Variants in RPS6KC1 observed in about 807,000 individuals in gnomAD.
RPS6KC1 encodes the protein ribosomal protein S6 kinase C1.
A neutral mutation model predicts 103.8 loss-of-function variants in RPS6KC1; 54 were observed. The observed-to-expected ratio is 0.52, with a 90% CI of 0.42 to 0.65. The LOEUF (loss-of-function observed/expected upper bound fraction) is 0.65, where lower values mean the gene tolerates loss of function less well. Ranked by LOEUF, RPS6KC1 falls within the 30% of genes least tolerant of loss-of-function variation. RPS6KC1 has a pLI of 0.00. For missense variants in RPS6KC1, 1,151 were observed against 1,253.8 expected (o/e 0.92, Z 1.24); for synonymous variants, 439 against 438.7 (o/e 1.00, Z -0.01).
chr1:213,203,917 G>GAAGTATTTCTGAGAGCATGGTCTC, intron 8 of RPS6KC1, among the ~76,000 whole-genome samples: 1 of 152,226 alleles, frequency 6.6e-6, no homozygotes, highest in African/African-American at 2.4e-5. Context: ...TCCCATCCCG[G>GAAGTATTTCTGAGAGCATGGTCTC]AAGTATTTCT....
At chr1:213,433,172 G>A in the RPS6KC1 span, among the ~76,000 whole-genome samples, 2 of 152,090 alleles carry the variant, frequency 1.3e-5, no homozygotes, top group African/African-American at 4.8e-5. Context: ...CCTAGCTCAT[G>A]GACTGCTTCC....
chr1:213,726,572 C>G, the RPS6KC1 span, among the ~76,000 whole-genome samples: 3 of 152,124 alleles, frequency 2.0e-5, no homozygotes, highest in African/African-American at 7.2e-5. Context: ...CTGTCTTTCT[C>G]CTCTTGTTCA....
chr1:213,633,804 T>C, the RPS6KC1 span, among the ~76,000 whole-genome samples: 1 of 135,372 alleles, frequency 7.4e-6, no homozygotes, highest in African/African-American at 2.8e-5. Context: ...AGAAGACCCA[T>C]CTCAAGTGCA....
At chr1:213,843,570 T>A in the RPS6KC1 span, 1 of 152,148 alleles carries the variant, frequency 6.6e-6, no homozygotes, top group Non-Finnish European at 1.5e-5. Context: ...TCTATATATC[T>A]GGAAAACATT....
At chr1:213,738,792 T>C in the RPS6KC1 span, among the ~76,000 whole-genome samples, 122,473 of 151,094 alleles carry the variant, frequency 0.81, 50,283 homozygotes, top group African/African-American at 0.94. Context: ...GTCAAGAGTT[T>C]GAGACCAGCC....
chr1:213,051,369 C>CGGGG lies in RPS6KC1; in HGVS notation c.-33_-32insGGGG. Reference sequence around the variant, plus strand: ...CGGCGCCGGGTTTCCCTCATGATCCCGGGCGGGTGGCGGCGGCGGCAGAGG... The same window carrying CGGGG: ...CGGCGCCGGGTTTCCCTCATGATCCCGGGGGGGCGGGTGGCGGCGGCGGCAGAGG... On this transcript the variant is annotated 5_prime_UTR_variant, in exon 1 of 15. Transcript: ENST00000366960. 3 of 1,533,132 alleles carry CGGGG rather than the reference C, an allele frequency of 2.0e-6. No individual in the cohort carries two copies. Among genetic ancestry groups the CGGGG allele is most frequent in the Non-Finnish European group, 2.7e-6 (3 of 1,109,838 alleles). The allele number at this position is 1,533,132 out of a possible 1,614,324, so 95.0% of individuals were successfully genotyped here.
the RPS6KC1 span, among the ~76,000 whole-genome samples, chr1:213,404,177 C>A: frequency 6.6e-6 from 1 of 152,150 alleles, no homozygotes; most frequent in African/African-American, 2.4e-5. Context: ...AGGGGGCTGC[C>A]TTTCCACCTT....
At chr1:213,514,317 T>A in the RPS6KC1 span, among the ~76,000 whole-genome samples, 2 of 152,048 alleles carry the variant, frequency 1.3e-5, no homozygotes, top group East Asian at 3.9e-4. Flanking sequence ...GCCATGTTGG[T>A]GTGCTGCACC....
At chr1:213,392,032 T>G in the RPS6KC1 span, among the ~76,000 whole-genome samples, 1 of 152,170 alleles carries the variant, frequency 6.6e-6, no homozygotes, top group African/African-American at 2.4e-5. Flanking sequence ...TTCTTCTGCT[T>G]CAAAAGCCTT....
At chr1:213,214,244 T>G (rs1018290938) in intron 8 of RPS6KC1, among the ~76,000 whole-genome samples, 22 of 152,236 alleles carry the variant, frequency 1.4e-4, no homozygotes, top group Non-Finnish European at 2.6e-4. Flanking sequence ...GCGCCTGGCT[T>G]GAAGGGTCCT....
At chr1:213,101,959 A>C (rs1446777493) in intron 3 of RPS6KC1, among the ~76,000 whole-genome samples, 1 of 152,146 alleles carries the variant, frequency 6.6e-6, no homozygotes, top group Non-Finnish European at 1.5e-5. Flanking sequence ...GGTTTTACCT[A>C]TTGGGGTTCT....
chr1:213,649,208 T>A, the RPS6KC1 span, among the ~76,000 whole-genome samples: 10 of 151,872 alleles, frequency 6.6e-5, no homozygotes, highest in Admixed American at 6.6e-5. Flanking sequence ...AACTTCTCCT[T>A]TTTTACTGGT....
chr1:213,242,329 A>G, intron 11 of RPS6KC1, 32 bp downstream of exon 11: 2 of 1,608,564 alleles, frequency 1.2e-6, no homozygotes, highest in East Asian at 2.2e-5. Flanking sequence ...ATTTCTTTTT[A>G]TTCGCTGTTG....
At chr1:213,327,901 A>T in the RPS6KC1 span, among the ~76,000 whole-genome samples, 1 of 152,082 alleles carries the variant, frequency 6.6e-6, no homozygotes, top group Non-Finnish European at 1.5e-5. Context: ...TCATCTCCTC[A>T]TCAATCCCAT....
At chr1:213,376,463 T>C in the RPS6KC1 span, among the ~76,000 whole-genome samples, 1 of 151,960 alleles carries the variant, frequency 6.6e-6, no homozygotes, top group Non-Finnish European at 1.5e-5. Context: ...TCATGAGTAA[T>C]GCGATGGTAG....
At chr1:213,431,524 A>G in the RPS6KC1 span, among the ~76,000 whole-genome samples, 1 of 152,076 alleles carries the variant, frequency 6.6e-6, no homozygotes, top group Admixed American at 6.6e-5. Flanking sequence ...TTCATTATTC[A>G]GTATATATTC....
intron 14 of RPS6KC1, among the ~76,000 whole-genome samples, chr1:213,266,538 T>TA (rs985055285): frequency 2.0e-5 from 3 of 152,054 alleles, no homozygotes; most frequent in Admixed American, 1.3e-4. Context: ...ACAGATTTGG[T>TA]AAAAAACCAG....
the RPS6KC1 span, among the ~76,000 whole-genome samples, chr1:213,848,876 G>T: frequency 6.6e-6 from 1 of 152,144 alleles, no homozygotes; most frequent in Non-Finnish European, 1.5e-5. Context: ...GGCAAAGTTT[G>T]CATGTTCAAG....
the RPS6KC1 span, among the ~76,000 whole-genome samples, chr1:213,683,423 T>C: frequency 2.6e-5 from 4 of 152,130 alleles, no homozygotes; most frequent in Non-Finnish European, 5.9e-5. Flanking sequence ...CTACCAACCC[T>C]CTGTTATGAG....
Sources: allele counts gnomAD v4.1 joint callset (sites outside exome capture counted in the v4.1 genomes callset), GRCh38; gene constraint gnomAD v4.1.1; transcripts MANE v1.5; gene names NCBI Gene and HGNC (gene_info 2026-07-23, HGNC 2026-07-21).